Variants in PCDHGA9 observed in about 807,000 individuals in gnomAD.
The protein encoded by PCDHGA9 is protocadherin gamma-A9.
In PCDHGA9, 37 loss-of-function variants were observed where a neutral mutation model predicts 62.5. The ratio of observed to expected loss-of-function variants is 0.59; its 90% confidence interval spans 0.46 to 0.78. PCDHGA9 has a LOEUF of 0.78. PCDHGA9 is among the 30% of genes least tolerant of loss of function. The pLI is 0.00. For missense variants in PCDHGA9, 1,138 were observed against 1,166.2 expected, an observed-to-expected ratio of 0.98 and a Z score of 0.35; for synonymous variants, 459 against 484.6, an observed-to-expected ratio of 0.95 and a Z score of 0.69.
At position 141,403,043 on chromosome 5, in the gene PCDHGA9, A is replaced by C. The variant is rs779412498; in HGVS notation, c.91A>C (p.Ile31Leu). Residue 31 changes from isoleucine to leucine, a missense_variant, in exon 1 of 4, where the codon ATT (isoleucine) becomes CTT (leucine). Coordinates refer to ENST00000573521, the MANE Select transcript of PCDHGA9 (RefSeq NM_018921.3). ...GCTATGGGAGGCCAGGGCCAGTCAG[A>C]TTCGCTACTCAGTGCCTGAAGAGAC... Reference protein sequence around the residue: ...GMLWEARASQIRYSVPEETEK... With the variant: ...GMLWEARASQLRYSVPEETEK... 21 of 1,614,070 alleles carry C rather than the reference A, an allele frequency of 1.3e-5. No homozygotes were observed. In the South Asian group the frequency reaches 2.3e-4, roughly 18 times the overall value.
chr5:141,421,713 T>G, intron 1 of PCDHGA9: 1 of 1,613,932 alleles, frequency 6.2e-7, no homozygotes, highest in South Asian at 1.1e-5. Flanking sequence ...GGGATCCAGA[T>G]GTGGGCGTGA....
intron 1 of PCDHGA9, among the ~76,000 whole-genome samples, chr5:141,461,314 T>A (rs1453512629): frequency 6.6e-6 from 1 of 152,198 alleles, no homozygotes; most frequent in Non-Finnish European, 1.5e-5. Context: ...TTTTTTGACT[T>A]TTTAATAATG....
Position 141,493,806 on chromosome 5 carries a change from T to C in PCDHGA9, c.2425-1001T>C, listed in dbSNP as rs1339302166. On this transcript the variant is annotated intron_variant, in intron 1 of 3. Coordinates refer to ENST00000573521, the MANE Select transcript of PCDHGA9 (RefSeq NM_018921.3). This position sits in a 1 kb window ranked among gnomAD's most constrained non-coding sequence, Gnocchi z 4.3. ...TCCTTCTCCCTGGAGTAATCTGAGA[T>C]ACTCACACTCTCTGCTTCTGGGAGC... is the stretch of plus-strand genomic sequence containing the variant. Among the ~76,000 whole-genome samples, 1 of 152,162 alleles carries C rather than the reference T, an allele frequency of 6.6e-6. No homozygotes were observed. The highest frequency in any genetic ancestry group is 1.5e-5 in the Non-Finnish European group (1 of 68,038).
intron 1 of PCDHGA9, chr5:141,418,463 C>A (rs1046926260): frequency 1.2e-6 from 2 of 1,613,826 alleles, no homozygotes; most frequent in Non-Finnish European, 1.7e-6. Context: ...GACTCTGGAC[C>A]GAGAAACGCA....
chr5:141,477,013 T>C lies in PCDHGA9; in HGVS notation c.2425-17794T>C. ...TGCGGCAACTATTCGCCTTAGACCT[T>C]GTAACCGGGATGCTGACAATCAAGG... On this transcript the variant is annotated intron_variant, in intron 1 of 3. Coordinates refer to ENST00000573521, the MANE Select transcript of PCDHGA9 (RefSeq NM_018921.3). The surrounding 1 kb of genome is among the most constrained non-coding windows in gnomAD (Gnocchi z 4.9). 6.2e-7 allele frequency: 1 copy of C among 1,614,204 alleles called. No homozygotes were observed. The highest frequency in any genetic ancestry group is 8.5e-7 in the Non-Finnish European group (1 of 1,180,028).
intron 1 of PCDHGA9, among the ~76,000 whole-genome samples, chr5:141,455,574 C>T (rs1214642742): frequency 6.6e-6 from 1 of 152,158 alleles, no homozygotes; most frequent in Non-Finnish European, 1.5e-5. Flanking sequence ...CCTCCCACCC[C>T]AGCCTTTTAA....
Position 141,490,799 on chromosome 5 carries a change from G to A in PCDHGA9, c.2425-4008G>A, listed in dbSNP as rs757092044. On this transcript the variant is annotated intron_variant, in intron 1 of 3. Coordinates refer to ENST00000573521, the MANE Select transcript of PCDHGA9 (RefSeq NM_018921.3). The surrounding 1 kb of genome is among the most constrained non-coding windows in gnomAD (Gnocchi z 5.4). ...GAGGATGGACGGATCTTTGCCCAGC[G>A]TACCTTTGACTATGAATTGCTGCAG... is the stretch of plus-strand genomic sequence containing the variant. 2.7e-5 allele frequency: 43 copies of A among 1,613,888 alleles called. No individual in the cohort carries two copies. Among genetic ancestry groups the A allele is most frequent in the Middle Eastern group, 3.3e-4 (2 of 6,062 alleles).
At position 141,405,303 on chromosome 5, in the gene PCDHGA9, G is replaced by C; in HGVS notation, c.2351G>C (p.Ser784Thr). Reference sequence around the variant, plus strand: ...GCAGACACACTCATCAGCCAGCAGAGCTGTGAGAAAAATGAGCCTTTGTGC... The same window carrying C: ...GCAGACACACTCATCAGCCAGCAGACCTGTGAGAAAAATGAGCCTTTGTGC... The part of the protein sequence containing the change: ...NYADTLISQQ[S>T]CEKNEPLCVS... The change falls in exon 1 of 4, where the codon AGC becomes ACC. Residue 784 changes from serine (S) to threonine (T), a missense_variant. Coordinates refer to ENST00000573521, the MANE Select transcript of PCDHGA9 (RefSeq NM_018921.3). The C allele has an allele frequency of 1.2e-6, 2 of 1,614,230 alleles. No individual in the cohort carries two copies. The highest frequency in any genetic ancestry group is 1.3e-5 in the African/African-American group (1 of 75,064).
chr5:141,411,184 G>A (rs1478666914), intron 1 of PCDHGA9: 1 of 152,108 alleles, frequency 6.6e-6, no homozygotes, highest in Admixed American at 6.6e-5. Context: ...AGTGGTCTTG[G>A]CATCTAAGAA....
At chr5:141,410,893 G>A (rs1302061377) in intron 1 of PCDHGA9, 5 of 276,602 alleles carry the variant, frequency 1.8e-5, no homozygotes, top group South Asian at 4.6e-5. Context: ...TCGCACTGTT[G>A]CCTAGGCTGG....
At chr5:141,434,763 C>T (rs2097714876) in intron 1 of PCDHGA9, among the ~76,000 whole-genome samples, 1 of 151,296 alleles carries the variant, frequency 6.6e-6, no homozygotes, top group South Asian at 2.1e-4. Flanking sequence ...TTCCCCACTT[C>T]ACACTTCTAA....
chr5:141,412,569 T>C (rs1469611879), intron 1 of PCDHGA9: 3 of 152,228 alleles, frequency 2.0e-5, no homozygotes, highest in Admixed American at 6.5e-5. Flanking sequence ...GTTTATTTAA[T>C]ATAATCTTTG....
At chr5:141,407,707 G>A (rs894295431) in intron 1 of PCDHGA9, among the ~76,000 whole-genome samples, 1 of 151,964 alleles carries the variant, frequency 6.6e-6, no homozygotes, top group African/African-American at 2.4e-5. Flanking sequence ...TTGAAGGTGG[G>A]GTGATGGCTA....
chr5:141,423,497 AG>A (rs1269176785), intron 1 of PCDHGA9: 1 of 1,613,940 alleles, frequency 6.2e-7, no homozygotes, highest in Non-Finnish European at 8.5e-7. Flanking sequence ...TATTCCCACG[AG>A]GTCTCTCTCA....
At position 141,486,530 on chromosome 5, in the gene PCDHGA9, C is replaced by T; in HGVS notation, c.2425-8277C>T. 6.2e-7 allele frequency: 1 copy of T among 1,614,174 alleles called. No homozygotes were observed. The highest frequency in any genetic ancestry group is 8.5e-7 in the Non-Finnish European group (1 of 1,180,022). On this transcript the variant is annotated intron_variant, in intron 1 of 3. Transcript: ENST00000573521. The surrounding 1 kb of genome is among the most constrained non-coding windows in gnomAD (Gnocchi z 5.0). Reference sequence around the variant, plus strand: ...TATTTCAGATGTGAATGATAATCCACCCTCTTTCTTTCAGAGGTCACATGA... The same window carrying T: ...TATTTCAGATGTGAATGATAATCCATCCTCTTTCTTTCAGAGGTCACATGA...
At chr5:141,408,556 T>G (rs1215804867) in intron 1 of PCDHGA9, 1 of 1,613,940 alleles carries the variant, frequency 6.2e-7, no homozygotes, top group Non-Finnish European at 8.5e-7. Context: ...ATATTTTTCA[T>G]GTCATTGTGG....
chr5:141,478,941 A>G (rs889484528), intron 1 of PCDHGA9: 2 of 589,470 alleles, frequency 3.4e-6, no homozygotes, highest in Non-Finnish European at 5.6e-6. Context: ...TTCTAGGAAT[A>G]CAAAAACTAC....
At chr5:141,474,881 C>A (rs2099356099) in intron 1 of PCDHGA9, among the ~76,000 whole-genome samples, 1 of 152,244 alleles carries the variant, frequency 6.6e-6, no homozygotes, top group South Asian at 2.1e-4. Context: ...AGCAGGAACT[C>A]TTAGAGGTTC....
intron 1 of PCDHGA9, among the ~76,000 whole-genome samples, chr5:141,463,999 C>A (rs1261262637): frequency 1.3e-5 from 2 of 152,056 alleles, no homozygotes; most frequent in African/African-American, 4.8e-5. Flanking sequence ...GGTGCAGTGG[C>A]TCATGCTTGT....
Sources: allele counts gnomAD v4.1 joint callset (sites outside exome capture counted in the v4.1 genomes callset), GRCh38; gene constraint gnomAD v4.1.1; non-coding constraint Gnocchi (gnomAD v3.1); transcripts MANE v1.5; gene names NCBI Gene and HGNC (gene_info 2026-07-23, HGNC 2026-07-21).